DENND2B: variants seen among roughly 807,000 people sequenced by gnomAD.
DENND2B encodes the protein DENN domain containing 2B.
DENND2B carries 32 observed loss-of-function variants against 116.0 expected under a neutral mutation model. That is an observed-to-expected ratio of 0.28 (90% CI 0.21 to 0.37). The LOEUF (loss-of-function observed/expected upper bound fraction) is 0.37, where lower values mean the gene tolerates loss of function less well. Among genes scored for constraint, DENND2B ranks in the 10% least tolerant of loss-of-function variants. DENND2B has a pLI of 1.00. For synonymous variants in DENND2B, 588 were observed against 583.9 expected, an observed-to-expected ratio of 1.01 and a Z score of -0.10; for missense variants, 1,276 against 1,477.7, an observed-to-expected ratio of 0.86 and a Z score of 2.24.
chr11:8,872,070 T>C (rs991848517), upstream of DENND2B, among the ~76,000 whole-genome samples: 1 of 152,218 alleles, frequency 6.6e-6, no homozygotes, highest in African/African-American at 2.4e-5. Flanking sequence ...GGAACCAGTG[T>C]GTATGAACAT....
At chr11:8,861,360 C>T (rs568220141) in intron 2 of DENND2B, among the ~76,000 whole-genome samples, 1 of 152,026 alleles carries the variant, frequency 6.6e-6, no homozygotes, top group East Asian at 1.9e-4. Context: ...CATCAAAAAC[C>T]GAGCAAATGA....
intron 3 of DENND2B, chr11:8,845,316 G>A (rs1016975547): frequency 3.9e-5 from 6 of 152,152 alleles, no homozygotes; most frequent in Admixed American, 2.6e-4. Flanking sequence ...CAAAAGCTAA[G>A]CAGGGTCAGG....
chr11:8,740,735 T>C (rs1056143051), intron 2 of DENND2B, among the ~76,000 whole-genome samples: 1 of 152,172 alleles, frequency 6.6e-6, no homozygotes, highest in Non-Finnish European at 1.5e-5. Context: ...CAAATGAAAC[T>C]GCCTGGAAGG....
At chr11:8,864,168 G>A (rs1416604083) in intron 2 of DENND2B, among the ~76,000 whole-genome samples, 1 of 152,126 alleles carries the variant, frequency 6.6e-6, no homozygotes, top group East Asian at 1.9e-4. Flanking sequence ...AGCTTCCAGA[G>A]ACCAGAGTGT....
intron 1 of DENND2B, among the ~76,000 whole-genome samples, chr11:8,798,318 G>A (rs1006351489): frequency 8.5e-5 from 13 of 152,182 alleles, no homozygotes; most frequent in Admixed American, 8.5e-4. Flanking sequence ...AGCAAGAGAG[G>A]CAGAGTTAGA....
At chr11:8,779,121 T>G (rs902130083) in intron 1 of DENND2B, among the ~76,000 whole-genome samples, 1 of 152,184 alleles carries the variant, frequency 6.6e-6, no homozygotes, top group African/African-American at 2.4e-5. Context: ...ACGATGCAAG[T>G]GTGGGACACA....
chr11:8,896,319 A>C (rs2064100914), intron 1 of DENND2B, among the ~76,000 whole-genome samples: 1 of 152,230 alleles, frequency 6.6e-6, no homozygotes, highest in South Asian at 2.1e-4. Context: ...AAGAATATAT[A>C]AAAGTAAGCC....
intron 1 of DENND2B, chr11:8,787,029 T>C (rs1485749919): frequency 6.6e-6 from 1 of 152,148 alleles, no homozygotes; most frequent in Non-Finnish European, 1.5e-5. Flanking sequence ...GAGGTAAATG[T>C]TACCAATTCT....
At chr11:8,868,350 T>C (rs2134699797) in intron 2 of DENND2B, among the ~76,000 whole-genome samples, 1 of 152,248 alleles carries the variant, frequency 6.6e-6, no homozygotes, top group East Asian at 1.9e-4. Context: ...CTAAAATCAC[T>C]GCTTTACCCA....
At position 8,854,016 on chromosome 11, in the gene DENND2B, A is replaced by ATTTTTTT. The variant is rs71059187; in HGVS notation, c.-156+3320_-156+3326dup. On this transcript the variant is annotated intron_variant, in intron 3 of 6. Coordinates refer to the DENND2B transcript ENST00000524757. ...GGTGAATGCCACCATGCCCCAGTTA[A>ATTTTTTT]TTTTTTTTTTTTTTTTTTTTTTTTT... Among the ~76,000 whole-genome samples, 419 of 62,788 alleles carry ATTTTTTT rather than the reference A, an allele frequency of 6.7e-3. 22 individuals carry two copies. Among genetic ancestry groups the ATTTTTTT allele is most frequent in the Middle Eastern group, 0.011 (1 of 92 alleles). 41.2% of individuals were successfully genotyped at this position (62,788 alleles called of 152,430 possible). A position where few individuals can be genotyped will look rare whatever the true frequency, so the allele number is the denominator to read the frequency against.
rs191035007 is a variant in DENND2B, at chr11:8,729,027, T to C, written c.1340+923A>G. Among the ~76,000 whole-genome samples, 143 of 152,338 alleles carry C rather than the reference T, an allele frequency of 9.4e-4. 1 individual carries two copies. Among genetic ancestry groups the C allele is most frequent in the African/African-American group, 3.3e-3 (136 of 41,578 alleles). ...GTTCCGGCTCGGGGGTCTGAATCTT[T>C]GAAATTTCTTCCTTTCTGCACATGG... On this transcript the variant is annotated intron_variant, in intron 3 of 19. Coordinates refer to ENST00000313726, the MANE Select transcript of DENND2B (RefSeq NM_213618.2).
In DENND2B at chr11:8,715,765, C is replaced by A; in HGVS notation, c.1683G>T (p.Arg561Ser). ...GTAATCGTGGCAGCCGGTGGCTCTT[C>A]CTTTCTGACCAGTTCCCACTGCGCA... is the stretch of plus-strand genomic sequence containing the variant. Reference protein sequence around the residue: ...QSLRSGNWSERKSHRLPRLPK... With the variant: ...QSLRSGNWSESKSHRLPRLPK... Residue 561 changes from arginine (R) to serine (S), a missense_variant, in exon 6 of 20, where the codon AGG becomes AGT. Transcript: ENST00000313726. The A allele has an allele frequency of 6.2e-7, 1 of 1,613,640 alleles. No individual in the cohort carries two copies. The highest frequency in any genetic ancestry group is 8.5e-7 in the Non-Finnish European group (1 of 1,179,626).
intron 2 of DENND2B, among the ~76,000 whole-genome samples, chr11:8,870,652 G>C (rs2134708497): frequency 6.6e-6 from 1 of 151,838 alleles, no homozygotes; most frequent in South Asian, 2.1e-4. Flanking sequence ...TCCCGAGATC[G>C]GGTCTCCGCT....
chr11:8,694,202 T>C (rs1433137999), intron 19 of DENND2B, 72 bp from the exon 20 acceptor site: 1 of 1,557,432 alleles, frequency 6.4e-7, no homozygotes, highest in African/African-American at 1.4e-5. Flanking sequence ...CTCCTCCTTG[T>C]AGCCCTAACC....
At chr11:8,837,266 A>C (rs1594181199) in intron 4 of DENND2B, among the ~76,000 whole-genome samples, 1 of 77,342 alleles carries the variant, frequency 1.3e-5, no homozygotes, top group Non-Finnish European at 2.9e-5. Context: ...TGGGGATTAC[A>C]TAGGCAGAAG....
chr11:8,788,384 C>G (rs544440608), intron 1 of DENND2B, among the ~76,000 whole-genome samples: 188 of 152,262 alleles, frequency 1.2e-3, no homozygotes, highest in African/African-American at 4.5e-3. Context: ...TCATTAATTT[C>G]CTCCACTCCA....
upstream of DENND2B, among the ~76,000 whole-genome samples, chr11:8,815,403 G>A (rs938221005): frequency 2.0e-5 from 3 of 151,974 alleles, no homozygotes; most frequent in South Asian, 4.2e-4. Context: ...TCTGGCCTAC[G>A]CTCCCACCCA....
intron 2 of DENND2B, among the ~76,000 whole-genome samples, chr11:8,748,066 C>T (rs999058441): frequency 6.6e-6 from 1 of 152,108 alleles, no homozygotes; most frequent in Admixed American, 6.6e-5. Context: ...GATACAAATG[C>T]GTCTTAGAAC....
At chr11:8,728,077 C>T (rs1260078584) in intron 3 of DENND2B, among the ~76,000 whole-genome samples, 4 of 151,992 alleles carry the variant, frequency 2.6e-5, no homozygotes, top group East Asian at 1.9e-4. Context: ...TGATCATACT[C>T]GCTGTACCCT....
Sources: allele counts gnomAD v4.1 joint callset (sites outside exome capture counted in the v4.1 genomes callset), GRCh38; gene constraint gnomAD v4.1.1; transcripts MANE v1.5; gene names NCBI Gene and HGNC (gene_info 2026-07-23, HGNC 2026-07-21).